C10orf88: variants seen among roughly 807,000 people sequenced by gnomAD.
C10orf88 encodes the protein chromosome 10 open reading frame 88.
In C10orf88, 29 loss-of-function variants were observed where a neutral mutation model predicts 34.2. The ratio of observed to expected loss-of-function variants is 0.85; its 90% confidence interval spans 0.63 to 1.16. The LOEUF is 1.16. C10orf88 is among the 50% of genes most tolerant of loss of function. The pLI, the probability that C10orf88 is intolerant of heterozygous loss-of-function variation, is 0.00. For missense variants in C10orf88, 507 were observed against 533.2 expected, an observed-to-expected ratio of 0.95 and a Z score of 0.48; for synonymous variants, 194 against 197.4, an observed-to-expected ratio of 0.98 and a Z score of 0.15.
At chr10:122,937,677 A>C in intron 5 of C10orf88, 28 bp downstream of exon 5, 2 of 1,518,352 alleles carry the variant, frequency 1.3e-6, no homozygotes, top group Non-Finnish European at 8.9e-7. Flanking sequence ...ACCAAATCGA[A>C]ACTCGTATGT....
At chr10:122,951,447 T>C (rs886582329) in intron 3 of C10orf88, among the ~76,000 whole-genome samples, 2 of 151,880 alleles carry the variant, frequency 1.3e-5, no homozygotes, top group African/African-American at 4.8e-5. Context: ...GCTTGAGCAA[T>C]CCTCCCACCT....
chr10:122,953,098 G>T, intron 1 of C10orf88, 66 bp from the exon 2 acceptor site: 1 of 1,324,962 alleles, frequency 7.5e-7, no homozygotes, highest in Non-Finnish European at 1.1e-6. Context: ...TCTTTTTTGA[G>T]ACGGAGTCTG....
chr10:122,935,763 T>G (rs1186246804), intron 5 of C10orf88, among the ~76,000 whole-genome samples: 1 of 151,900 alleles, frequency 6.6e-6, no homozygotes, highest in Non-Finnish European at 1.5e-5. Flanking sequence ...GAATATGGTA[T>G]GTCTCTCCAG....
intron 4 of C10orf88, among the ~76,000 whole-genome samples, chr10:122,944,375 T>C (rs1385030925): frequency 2.5e-5 from 2 of 79,080 alleles, no homozygotes; most frequent in Non-Finnish European, 2.3e-5. Context: ...GGGACTGTTG[T>C]GGGGTGGGGG....
At chr10:122,935,467 T>C (rs2133328026) in intron 5 of C10orf88, among the ~76,000 whole-genome samples, 1 of 152,122 alleles carries the variant, frequency 6.6e-6, no homozygotes, top group South Asian at 2.1e-4. Flanking sequence ...TTGTGCAGAG[T>C]TATTTCTGTG....
chr10:122,953,074 C>T (rs1474354602), intron 1 of C10orf88, 42 bp from the exon 2 acceptor site: 1 of 1,458,440 alleles, frequency 6.9e-7, no homozygotes, highest in Non-Finnish European at 9.5e-7. Flanking sequence ...GTATAGTTCT[C>T]TGAACATGAC....
Position 122,943,646 on chromosome 10 carries a change from A to G in C10orf88, c.648+5003T>C, listed in dbSNP as rs866915810. 8.9e-3 allele frequency among the ~76,000 whole-genome samples: 1,360 copies of G among 152,344 alleles called. 10 individuals are homozygous for G. Among genetic ancestry groups the G allele is most frequent in the Middle Eastern group, 0.02 (6 of 294 alleles). ...CTCATCTGACAAAGGGCTAATATCC[A>G]GAATCTGCAATGAACTCAAACAAAT... On this transcript the variant is annotated intron_variant, in intron 4 of 5. Transcript: ENST00000481909.
chr10:122,949,769 C>T (rs1021684920), intron 3 of C10orf88, among the ~76,000 whole-genome samples: 4 of 152,184 alleles, frequency 2.6e-5, no homozygotes, highest in South Asian at 2.1e-4. Flanking sequence ...TAACACACCA[C>T]AACTTGCTAC....
At chr10:122,946,458 T>C (rs58517224) in intron 4 of C10orf88, among the ~76,000 whole-genome samples, 1 of 152,208 alleles carries the variant, frequency 6.6e-6, no homozygotes, top group African/African-American at 2.4e-5. Context: ...GTAGGCTATA[T>C]GATCTAGGAT....
Position 122,951,987 on chromosome 10 carries a change from T to C in C10orf88, c.408A>G (p.Lys136=). 2 of 1,543,512 alleles carry C rather than the reference T, an allele frequency of 1.3e-6. No individual in the cohort carries two copies. The highest frequency in any genetic ancestry group is 8.9e-7 in the Non-Finnish European group (1 of 1,125,690). The part of the protein sequence containing the change: ...EKIILYKKNL[K]LESSTHACKI... ...TACAAGCATGTGTGGAGGACTCCAA[T>C]TTTAGATTTTTTTTATACAAAATGA... The change falls in exon 3 of 6, where the codon AAA becomes AAG. Residue 136 remains lysine, a synonymous_variant. Coordinates refer to ENST00000481909, the MANE Select transcript of C10orf88 (RefSeq NM_024942.4).
intron 5 of C10orf88, among the ~76,000 whole-genome samples, chr10:122,936,979 A>C (rs976525649): frequency 5.9e-5 from 9 of 151,952 alleles, no homozygotes; most frequent in African/African-American, 2.2e-4. Context: ...ATAAATGTCA[A>C]CTCAATCCTG....
At chr10:122,935,670 G>A (rs897981385) in intron 5 of C10orf88, among the ~76,000 whole-genome samples, 1 of 151,598 alleles carries the variant, frequency 6.6e-6, no homozygotes, top group Non-Finnish European at 1.5e-5. Flanking sequence ...AATCATGCTC[G>A]ATTTTTCATA....
intron 4 of C10orf88, among the ~76,000 whole-genome samples, chr10:122,945,490 T>C (rs1848631097): frequency 6.6e-6 from 1 of 152,160 alleles, no homozygotes; most frequent in Non-Finnish European, 1.5e-5. Context: ...ATTATTATTA[T>C]ACAAGATGAC....
Position 122,948,671 on chromosome 10 carries a change from T to A in C10orf88, c.626A>T (p.Asp209Val). The A allele has an allele frequency of 1.9e-6, 3 of 1,613,908 alleles. No individual in the cohort carries two copies. The highest frequency in any genetic ancestry group is 1.1e-5 in the South Asian group (1 of 91,062). The change falls in exon 4 of 6, where the codon GAT becomes GTT. Residue 209 changes from aspartate to valine, a missense_variant. By Grantham distance (152) the Asp-to-Val change is radical. Transcript: ENST00000481909. ...KLSPGAQQLM[D>V]MVRCQQRNCI... is the part of the protein sequence containing the mutation. ...TACCCGCTGCTGACACCTAACCATA[T>A]CCATCAACTGCTGAGCTCCAGGAGA...
At position 122,954,120 on chromosome 10, in the gene C10orf88, C is replaced by T; in HGVS notation, c.59G>A (p.Trp20Ter). 1 of 1,590,102 alleles carries T rather than the reference C, an allele frequency of 6.3e-7. No individual in the cohort carries two copies. The highest frequency in any genetic ancestry group is 8.5e-7 in the Non-Finnish European group (1 of 1,171,704). Residue 20 changes from tryptophan to a stop codon, truncating the protein, a stop_gained, in exon 1 of 6, where the codon TGG (tryptophan) becomes TAG (stop). Coordinates refer to ENST00000481909, the MANE Select transcript of C10orf88 (RefSeq NM_024942.4). LOFTEE classifies it high-confidence loss of function. ...LTRRPTLASS[W>*]DVAGGALTHS... Reference sequence around the variant, plus strand: ...GGTCAGGGCCCCGCCTGCAACATCCCAAGAAGAGGCCAGCGTGGGGCGGCG... The same window carrying T: ...GGTCAGGGCCCCGCCTGCAACATCCTAAGAAGAGGCCAGCGTGGGGCGGCG...
intron 5 of C10orf88, among the ~76,000 whole-genome samples, chr10:122,936,839 C>T (rs1479189688): frequency 6.6e-6 from 1 of 151,868 alleles, no homozygotes; most frequent in African/African-American, 2.4e-5. Flanking sequence ...AGAAAACACA[C>T]ATTGTATTAT....
chr10:122,931,225 T>C lies in C10orf88; in HGVS notation c.*1202A>G, dbSNP rs1189014141. 6.6e-6 allele frequency: 1 copy of C among 152,170 alleles called. No individual in the cohort carries two copies. The highest frequency in any genetic ancestry group is 1.5e-5 in the Non-Finnish European group (1 of 68,042). The allele number at this position is 152,170 out of a possible 1,614,324, so 9.4% of individuals were successfully genotyped here. A position where few individuals can be genotyped will look rare whatever the true frequency, so the allele number is the denominator to read the frequency against. On this transcript the variant is annotated 3_prime_UTR_variant, in exon 6 of 6. Coordinates refer to ENST00000481909, the MANE Select transcript of C10orf88 (RefSeq NM_024942.4). ...ATAAGATTATAAAAAGGCTGAGGTCTTTTTAAAGTCGTTTGGTCAGCTATC... is the reference window on the plus strand; with the variant it reads ...ATAAGATTATAAAAAGGCTGAGGTCCTTTTAAAGTCGTTTGGTCAGCTATC...
At chr10:122,944,057 T>G (rs2133333086) in intron 4 of C10orf88, among the ~76,000 whole-genome samples, 1 of 151,954 alleles carries the variant, frequency 6.6e-6, no homozygotes, top group East Asian at 1.9e-4. Context: ...ATCATGCTGC[T>G]CTAAAGACAC....
intron 4 of C10orf88, among the ~76,000 whole-genome samples, chr10:122,944,133 C>G (rs1282734855): frequency 6.6e-6 from 1 of 151,556 alleles, no homozygotes; most frequent in Non-Finnish European, 1.5e-5. Flanking sequence ...CCCAAATGTC[C>G]AACAATGATA....
Sources: gnomAD v4.1 joint callset for allele counts (sites outside exome capture counted in the v4.1 genomes callset) on GRCh38, gnomAD v4.1.1 for gene constraint, MANE v1.5 for transcripts, NCBI Gene and HGNC (gene_info 2026-07-23, HGNC 2026-07-21) for gene names.